The following SCRG1 variants were observed in gnomAD, a reference collection of about 807,000 sequenced individuals.
SCRG1 encodes the protein stimulator of chondrogenesis 1, also known as scrapie-responsive protein 1.
In SCRG1, 3 loss-of-function variants were observed where a neutral mutation model predicts 7.7. The observed-to-expected ratio is 0.39, with a 90% confidence interval of 0.18 to 1.01. SCRG1 has a LOEUF of 1.01. Ranked by LOEUF, SCRG1 falls within the 50% of genes least tolerant of loss-of-function variation. The probability of loss-of-function intolerance (pLI) is 0.36; values close to 1 mark genes in which losing one functional copy is unlikely to be tolerated. For synonymous variants in SCRG1, 46 were observed against 41.2 expected, an observed-to-expected ratio of 1.12 and a Z score of -0.44; for missense variants, 110 against 117.2, an observed-to-expected ratio of 0.94 and a Z score of 0.28.
upstream of SCRG1, among the ~76,000 whole-genome samples, chr4:173,410,708 T>C (rs2126927899): frequency 6.6e-6 from 1 of 152,352 alleles, no homozygotes; most frequent in East Asian, 1.9e-4. Context: ...TTATATTTAA[T>C]ATGCTAACTC....
upstream of SCRG1, chr4:173,406,414 T>C (rs1231479356): frequency 6.6e-6 from 1 of 152,218 alleles, no homozygotes; most frequent in Non-Finnish European, 1.5e-5. Context: ...ACATGAGTAA[T>C]AAAGTTAGAT....
chr4:173,417,430 A>T, the SCRG1 span, among the ~76,000 whole-genome samples: 1 of 152,164 alleles, frequency 6.6e-6, no homozygotes. Context: ...TTGCCCCCTA[A>T]GCCTCCAAAG....
chr4:173,435,413 G>A, the SCRG1 span, among the ~76,000 whole-genome samples: 1 of 152,144 alleles, frequency 6.6e-6, no homozygotes, highest in Non-Finnish European at 1.5e-5. Context: ...TTACCCGTCG[G>A]ACATCCCTGT....
chr4:173,489,647 A>C, the SCRG1 span, among the ~76,000 whole-genome samples: 1 of 151,428 alleles, frequency 6.6e-6, no homozygotes, highest in African/African-American at 2.5e-5. Flanking sequence ...TGGGATCAAA[A>C]GAAGAAGACA....
At chr4:173,457,360 AAG>A in the SCRG1 span, among the ~76,000 whole-genome samples, 2 of 152,240 alleles carry the variant, frequency 1.3e-5, no homozygotes, top group Non-Finnish European at 2.9e-5. Flanking sequence ...AGTAAGGAAA[AAG>A]AGGATATTCT....
At chr4:173,510,494 G>A in the SCRG1 span, among the ~76,000 whole-genome samples, 24 of 152,074 alleles carry the variant, frequency 1.6e-4, no homozygotes, top group Non-Finnish European at 8.8e-5. This position sits in a 1 kb window ranked among gnomAD's most constrained non-coding sequence, Gnocchi z 5.7. Context: ...TCCACAAGTA[G>A]GTAGGCACAT....
the SCRG1 span, chr4:173,470,138 T>C: frequency 1.1e-5 from 1 of 90,746 alleles, no homozygotes; most frequent in Non-Finnish European, 2.8e-5. Context: ...TTTTTTTTTT[T>C]TTTTGCATGG....
chr4:173,482,662 T>A, the SCRG1 span, among the ~76,000 whole-genome samples: 1 of 151,404 alleles, frequency 6.6e-6, no homozygotes, highest in African/African-American at 2.4e-5. Flanking sequence ...TACAAAAAAT[T>A]GAAAACTTAG....
the SCRG1 span, among the ~76,000 whole-genome samples, chr4:173,474,551 T>A: frequency 6.6e-6 from 1 of 152,236 alleles, no homozygotes; most frequent in Non-Finnish European, 1.5e-5. Context: ...TTTTTGTGAT[T>A]ATTTACTGAT....
At chr4:173,476,609 G>T in the SCRG1 span, among the ~76,000 whole-genome samples, 1 of 151,864 alleles carries the variant, frequency 6.6e-6, no homozygotes, top group African/African-American at 2.4e-5. Context: ...GCTTGAAATA[G>T]AATTTTAATT....
rs1277934565 is a variant in SCRG1, at chr4:173,386,715, G to A, written c.*1626C>T. On this transcript the variant is annotated 3_prime_UTR_variant, in exon 3 of 3. Coordinates refer to ENST00000296506, the MANE Select transcript of SCRG1 (RefSeq NM_007281.4). Reference sequence around the variant, plus strand: ...TGATATCTCCCAGATTGCCTGTGTGGTATGGTGTCTCTCAAACATTTCCCC... The same window carrying A: ...TGATATCTCCCAGATTGCCTGTGTGATATGGTGTCTCTCAAACATTTCCCC... The A allele has an allele frequency of 6.6e-6, 1 of 152,154 alleles. No homozygotes were observed. Among genetic ancestry groups the A allele is most frequent in the African/African-American group, 2.4e-5 (1 of 41,422 alleles). The allele number at this position is 152,154 out of a possible 1,614,324, so 9.4% of individuals were successfully genotyped here. A position where few individuals can be genotyped will look rare whatever the true frequency, so the allele number is the denominator to read the frequency against.
At chr4:173,462,475 G>A in the SCRG1 span, among the ~76,000 whole-genome samples, 21 of 152,170 alleles carry the variant, frequency 1.4e-4, no homozygotes, top group Admixed American at 7.8e-4. Context: ...TCCTTCAAAC[G>A]TGAAGGAGAA....
the SCRG1 span, chr4:173,469,365 A>C: frequency 1.3e-5 from 2 of 152,150 alleles, no homozygotes; most frequent in Admixed American, 6.5e-5. Flanking sequence ...ATATAAAATA[A>C]ATGTAGAATA....
chr4:173,414,068 G>A, the SCRG1 span, among the ~76,000 whole-genome samples: 1 of 152,134 alleles, frequency 6.6e-6, no homozygotes, highest in African/African-American at 2.4e-5. Context: ...ATAAATGTGG[G>A]TTTTGTTTGA....
upstream of SCRG1, among the ~76,000 whole-genome samples, chr4:173,399,982 G>A (rs1453546340): frequency 6.6e-6 from 1 of 152,178 alleles, no homozygotes; most frequent in Non-Finnish European, 1.5e-5. Context: ...TAAAACCAAA[G>A]GTGGTAGGAG....
At chr4:173,416,988 ACACACAATCACATCTT>A in the SCRG1 span, among the ~76,000 whole-genome samples, 2 of 147,518 alleles carry the variant, frequency 1.4e-5, no homozygotes, top group African/African-American at 2.6e-5. Flanking sequence ...CACACACCCC[ACACACAATCACATCTT>A]CACACACACC....
chr4:173,416,094 G>A, the SCRG1 span, among the ~76,000 whole-genome samples: 6 of 152,194 alleles, frequency 3.9e-5, no homozygotes, highest in Non-Finnish European at 8.8e-5. Context: ...GATGAGCCAG[G>A]GAGGGACAGC....
At chr4:173,402,276 T>G (rs1187337041), upstream of SCRG1, among the ~76,000 whole-genome samples, 6 of 152,198 alleles carry the variant, frequency 3.9e-5, no homozygotes, top group Non-Finnish European at 7.3e-5. Flanking sequence ...GTGTGTTTAT[T>G]TCTATAGGTA....
Position 173,384,979 on chromosome 4 carries a change from A to G in SCRG1, c.*3362T>C, listed in dbSNP as rs911982935. The G allele has an allele frequency of 1.3e-5, 2 of 152,192 alleles. No individual in the cohort carries two copies. Among genetic ancestry groups the G allele is most frequent in the African/African-American group, 2.4e-5 (1 of 41,450 alleles). 9.4% of individuals were successfully genotyped at this position (152,192 alleles called of 1,614,324 possible). On this transcript the variant is annotated 3_prime_UTR_variant, in exon 3 of 3. Transcript: ENST00000296506. ...AACAACATAGTGGTTAAGACTCTAG[A>G]TGCTAGTGTAAGACTGGCCATATTC...
Sources: allele counts gnomAD v4.1 joint callset (sites outside exome capture counted in the v4.1 genomes callset), GRCh38; gene constraint gnomAD v4.1.1; non-coding constraint Gnocchi (gnomAD v3.1); transcripts MANE v1.5; gene names NCBI Gene and HGNC (gene_info 2026-07-23, HGNC 2026-07-21).